Variants in FARS2 observed in about 807,000 individuals in gnomAD.
FARS2 encodes phenylalanyl-tRNA synthetase 2, mitochondrial, also known as phenylalanine--tRNA ligase, mitochondrial.
A neutral mutation model predicts 46.4 loss-of-function variants in FARS2; 40 were observed. The observed-to-expected ratio is 0.86, with a 90% confidence interval of 0.67 to 1.12. The LOEUF (loss-of-function observed/expected upper bound fraction) is 1.12. FARS2 is among the 50% of genes most tolerant of loss of function. The probability of loss-of-function intolerance (pLI) is 0.00; values close to 1 mark genes in which losing one functional copy is unlikely to be tolerated. For missense variants in FARS2, 513 were observed against 567.9 expected, an observed-to-expected ratio of 0.90 and a Z score of 0.98; for synonymous variants, 234 against 214.9, an observed-to-expected ratio of 1.09 and a Z score of -0.78.
At chr6:5,678,484 G>A (rs1360176865) in intron 6 of FARS2, among the ~76,000 whole-genome samples, 1 of 152,186 alleles carries the variant, frequency 6.6e-6, no homozygotes, top group African/African-American at 2.4e-5. Flanking sequence ...GAGGCACTAA[G>A]TTTACATCAG....
intron 6 of FARS2, among the ~76,000 whole-genome samples, chr6:5,641,802 C>T (rs1467991969): frequency 1.2e-4 from 18 of 152,210 alleles, no homozygotes; most frequent in Admixed American, 1.2e-3. Context: ...ACACCGAGGC[C>T]TCTGGGCAAA....
chr6:5,558,206 C>T (rs1215199088), intron 5 of FARS2, among the ~76,000 whole-genome samples: 3 of 152,134 alleles, frequency 2.0e-5, no homozygotes, highest in Admixed American at 2.0e-4. Context: ...CATTTCTTCA[C>T]TACTTCAATC....
At chr6:5,707,353 C>A (rs1003214693) in intron 6 of FARS2, among the ~76,000 whole-genome samples, 1 of 152,220 alleles carries the variant, frequency 6.6e-6, no homozygotes, top group Non-Finnish European at 1.5e-5. Context: ...GGGCCTTTCA[C>A]AAGCCGCTAA....
chr6:5,263,540 T>G (rs984450693), intron 1 of FARS2, among the ~76,000 whole-genome samples: 4 of 152,162 alleles, frequency 2.6e-5, no homozygotes, highest in African/African-American at 9.7e-5. Context: ...ATAACTCGAT[T>G]TGAGATTGTA....
rs202091029 is a variant in FARS2 at position 5,674,614 on chromosome 6, G to GT, written c.1217+61302dup. 6.9e-3 allele frequency among the ~76,000 whole-genome samples: 1,042 copies of GT among 151,980 alleles called. 4 individuals carry two copies. The highest frequency in any genetic ancestry group is 0.013 in the Non-Finnish European group (851 of 67,938). On this transcript the variant is annotated intron_variant, in intron 6 of 6. Transcript: ENST00000274680. ...AAAATGTTTGTGGTCATTCAAATTT[G>GT]TTTTTTTTCACAGTACTTCTGTGAA... is the stretch of plus-strand genomic sequence containing the variant.
chr6:5,620,897 G>C (rs1775738279), intron 6 of FARS2, among the ~76,000 whole-genome samples: 2 of 152,362 alleles, frequency 1.3e-5, no homozygotes, highest in South Asian at 2.1e-4. Context: ...CTATATGTCA[G>C]TAGGTTTACT....
intron 6 of FARS2, among the ~76,000 whole-genome samples, chr6:5,717,933 T>TAGAGAGAGAGAGAGAG (rs1195279552): frequency 1.0e-4 from 13 of 128,262 alleles, no homozygotes; most frequent in African/African-American, 4.7e-4. Context: ...TATATATATA[T>TAGAGAGAGAGAGAGAG]ATACAGAGTC....
At chr6:5,726,181 T>A (rs78645751) in intron 6 of FARS2, among the ~76,000 whole-genome samples, 2 of 152,030 alleles carry the variant, frequency 1.3e-5, no homozygotes, top group Non-Finnish European at 2.9e-5. Flanking sequence ...TTTTTTTTTT[T>A]AATCCTCACT....
chr6:5,461,847 A>G (rs750230209), intron 4 of FARS2, among the ~76,000 whole-genome samples: 3 of 152,270 alleles, frequency 2.0e-5, no homozygotes, highest in Non-Finnish European at 4.4e-5. Flanking sequence ...GATCCTTTAC[A>G]GTTTTTGTCT....
At chr6:5,769,231 G>T (rs1762905020) in intron 6 of FARS2, among the ~76,000 whole-genome samples, 1 of 152,218 alleles carries the variant, frequency 6.6e-6, no homozygotes, top group Non-Finnish European at 1.5e-5. Flanking sequence ...TTGTTGAAAA[G>T]ACATTTCCCC....
intron 1 of FARS2, among the ~76,000 whole-genome samples, chr6:5,320,392 C>T (rs1210410859): frequency 6.6e-6 from 1 of 152,220 alleles, no homozygotes; most frequent in African/African-American, 2.4e-5. Flanking sequence ...GACTGAGATT[C>T]ACCTCTGCTG....
intron 4 of FARS2, among the ~76,000 whole-genome samples, chr6:5,507,891 G>T (rs778492001): frequency 1.3e-5 from 2 of 152,190 alleles, no homozygotes; most frequent in Non-Finnish European, 2.9e-5. Context: ...GATCCAAATG[G>T]GATGGGTGGC....
rs535014459 is a variant in FARS2, at chr6:5,391,496, CAG to C, written c.613-13043_613-13042del. ...GATCATGTTATCAGTCACAGGAACTCAGAGTCAGGATAGATAAGTGTTTAGCA... is the reference window on the plus strand; with the variant it reads ...GATCATGTTATCAGTCACAGGAACTCAGTCAGGATAGATAAGTGTTTAGCA... On this transcript the variant is annotated intron_variant, in intron 2 of 6. Coordinates refer to ENST00000274680, the MANE Select transcript of FARS2 (RefSeq NM_006567.5). 1.5e-3 allele frequency among the ~76,000 whole-genome samples: 235 copies of C among 152,142 alleles called. 1 individual carries two copies. The highest frequency in any genetic ancestry group is 5.4e-3 in the African/African-American group (223 of 41,490).
At chr6:5,580,135 C>T (rs766142008) in intron 5 of FARS2, among the ~76,000 whole-genome samples, 10 of 151,386 alleles carry the variant, frequency 6.6e-5, no homozygotes, top group Non-Finnish European at 1.3e-4. Flanking sequence ...ACTAAAAATA[C>T]AAAAATTAGC....
rs1473739852 is a variant in FARS2, at chr6:5,727,636, C to G, written c.1218-43655C>G. ...GGCCATGCTTGGGCCATTGTGGCAC[C>G]TATACATCTTTAATACACGCCCCAA... On this transcript the variant is annotated intron_variant, in intron 6 of 6. Coordinates refer to ENST00000274680, the MANE Select transcript of FARS2 (RefSeq NM_006567.5). The surrounding 1 kb of genome is among the most constrained non-coding windows in gnomAD (Gnocchi z 4.1). Among the ~76,000 whole-genome samples the G allele has an allele frequency of 1.3e-5, 2 of 152,134 alleles. No homozygotes were observed. The highest frequency in any genetic ancestry group is 2.1e-4 in the South Asian group (1 of 4,830).
intron 6 of FARS2, among the ~76,000 whole-genome samples, chr6:5,640,100 G>A (rs1294281180): frequency 6.6e-6 from 1 of 151,926 alleles, no homozygotes; most frequent in African/African-American, 2.4e-5. Flanking sequence ...TGTGTTTCAA[G>A]TCCCTTTTTC....
At chr6:5,706,598 C>T (rs1349826800) in intron 6 of FARS2, among the ~76,000 whole-genome samples, 2 of 152,176 alleles carry the variant, frequency 1.3e-5, no homozygotes, top group Non-Finnish European at 2.9e-5. Context: ...GTGGCTACAT[C>T]GACTGTTGGG....
chr6:5,689,763 C>T (rs976193887), intron 6 of FARS2, among the ~76,000 whole-genome samples: 5 of 152,060 alleles, frequency 3.3e-5, no homozygotes, highest in Non-Finnish European at 2.9e-5. Flanking sequence ...TTGTTAACTT[C>T]CTGTCTCGTT....
At chr6:5,381,088 C>A (rs1759739834) in intron 2 of FARS2, among the ~76,000 whole-genome samples, 1 of 151,524 alleles carries the variant, frequency 6.6e-6, no homozygotes, top group Non-Finnish European at 1.5e-5. Context: ...GCAAGCTCCA[C>A]CTCCTGGGTT....
Sources: allele counts gnomAD v4.1 joint callset (sites outside exome capture counted in the v4.1 genomes callset), GRCh38; gene constraint gnomAD v4.1.1; non-coding constraint Gnocchi (gnomAD v3.1); transcripts MANE v1.5; gene names NCBI Gene and HGNC (gene_info 2026-07-23, HGNC 2026-07-21).